CSMD1: variants seen among roughly 807,000 people sequenced by gnomAD.
CSMD1 encodes the protein CUB and Sushi multiple domains 1.
CSMD1 carries 213 observed loss-of-function variants against 417.5 expected under a neutral mutation model. The ratio of observed to expected loss-of-function variants is 0.51; its 90% confidence interval spans 0.46 to 0.57. CSMD1 has a LOEUF of 0.57. Among genes scored for constraint, CSMD1 ranks in the 20% least tolerant of loss-of-function variants. CSMD1 has a pLI of 0.00. For synonymous variants in CSMD1, 2,862 were observed against 1,736.8 expected (o/e 1.65, Z -16.11); for missense variants, 6,923 against 4,529.7 (o/e 1.53, Z -15.17).
chr8:4,396,425 C>T (rs946558918), intron 3 of CSMD1, among the ~76,000 whole-genome samples: 2 of 152,132 alleles, frequency 1.3e-5, no homozygotes, highest in African/African-American at 4.8e-5. Context: ...CAAGACTGCA[C>T]CACTGAACTC....
At chr8:3,643,399 C>G (rs895884467) in intron 7 of CSMD1, among the ~76,000 whole-genome samples, 3 of 152,030 alleles carry the variant, frequency 2.0e-5, no homozygotes, top group African/African-American at 7.2e-5. Context: ...CCCTGAGTGC[C>G]TTATCAGAAA....
chr8:4,747,486 C>G (rs991518445), intron 1 of CSMD1, among the ~76,000 whole-genome samples: 1 of 152,082 alleles, frequency 6.6e-6, no homozygotes, highest in Admixed American at 6.5e-5. Flanking sequence ...AAATGCCCTC[C>G]TAAGTAGAGA....
At chr8:4,841,420 A>G (rs1349717724) in intron 1 of CSMD1, among the ~76,000 whole-genome samples, 4 of 152,210 alleles carry the variant, frequency 2.6e-5, no homozygotes, top group Non-Finnish European at 2.9e-5. Flanking sequence ...TTCTAAAAAT[A>G]TAACAAATCC....
intron 26 of CSMD1, among the ~76,000 whole-genome samples, chr8:3,231,046 C>T (rs1036419306): frequency 3.9e-5 from 6 of 152,138 alleles, no homozygotes; most frequent in African/African-American, 1.4e-4. Context: ...CAGCCATCGA[C>T]TCTGCCTGCG....
intron 1 of CSMD1, among the ~76,000 whole-genome samples, chr8:4,655,137 C>G (rs1183652638): frequency 6.6e-6 from 1 of 151,800 alleles, no homozygotes; most frequent in South Asian, 2.1e-4. Context: ...CTTACTAAGA[C>G]AGTTTTGATT....
intron 20 of CSMD1, among the ~76,000 whole-genome samples, chr8:3,361,544 C>A (rs751194981): frequency 2.0e-5 from 3 of 146,826 alleles, no homozygotes; most frequent in African/African-American, 5.0e-5. Context: ...CCCAGCTACT[C>A]GGGAGGCCGA....
At chr8:4,875,570 C>T (rs1490082161) in intron 1 of CSMD1, among the ~76,000 whole-genome samples, 1 of 152,058 alleles carries the variant, frequency 6.6e-6, no homozygotes, top group East Asian at 1.9e-4. Flanking sequence ...TAGATCTTGT[C>T]ACCATGATTC....
intron 2 of CSMD1, among the ~76,000 whole-genome samples, chr8:4,622,077 G>C (rs1312793451): frequency 6.6e-6 from 1 of 151,456 alleles, no homozygotes; most frequent in African/African-American, 2.4e-5. Context: ...TATTAGTGCA[G>C]TTCTAGGCAG....
intron 2 of CSMD1, among the ~76,000 whole-genome samples, chr8:4,480,674 G>A (rs1330753760): frequency 6.6e-6 from 1 of 152,188 alleles, no homozygotes; most frequent in East Asian, 1.9e-4. Flanking sequence ...CTCCCTATGG[G>A]TCCTTGTGTA....
chr8:3,820,938 C>T (rs554091263), intron 5 of CSMD1, among the ~76,000 whole-genome samples: 6 of 151,842 alleles, frequency 4.0e-5, no homozygotes, highest in East Asian at 3.9e-4. Flanking sequence ...TTTTTTGAGC[C>T]GGAGTTTTGC....
At chr8:3,231,496 T>C (rs1456912169) in intron 26 of CSMD1, among the ~76,000 whole-genome samples, 1 of 152,176 alleles carries the variant, frequency 6.6e-6, no homozygotes, top group Admixed American at 6.5e-5. Context: ...CATTTGTGTG[T>C]GTGCGTGTGT....
chr8:3,524,897 T>TA (rs5888969), intron 10 of CSMD1, among the ~76,000 whole-genome samples: 33,747 of 151,820 alleles, frequency 0.22, 4,918 homozygotes, highest in African/African-American at 0.4. Flanking sequence ...TTGGTGGAGT[T>TA]AAAAATAGTA....
At chr8:3,223,478 A>G (rs913786366) in intron 28 of CSMD1, among the ~76,000 whole-genome samples, 2 of 152,224 alleles carry the variant, frequency 1.3e-5, no homozygotes, top group African/African-American at 4.8e-5. Flanking sequence ...AAGCCTTCTC[A>G]TATGGGACAC....
chr8:4,105,336 A>AT (rs1801513158), intron 3 of CSMD1, among the ~76,000 whole-genome samples: 1 of 108,744 alleles, frequency 9.2e-6, no homozygotes, highest in Admixed American at 9.4e-5. Context: ...AACACTTCTG[A>AT]ATTTTTTTTT....
At chr8:4,088,678 A>C (rs190946168) in intron 3 of CSMD1, among the ~76,000 whole-genome samples, 1 of 152,136 alleles carries the variant, frequency 6.6e-6, no homozygotes, top group African/African-American at 2.4e-5. Context: ...CCTTCAGCTC[A>C]TTCCTCAGTT....
chr8:3,925,445 C>A (rs1421251964), intron 5 of CSMD1, among the ~76,000 whole-genome samples: 3 of 151,944 alleles, frequency 2.0e-5, no homozygotes, highest in Non-Finnish European at 2.9e-5. Flanking sequence ...ACAGTTAAAC[C>A]TGAAATACAG....
chr8:4,813,606 T>G (rs756731393), intron 1 of CSMD1, among the ~76,000 whole-genome samples: 3 of 152,210 alleles, frequency 2.0e-5, no homozygotes, highest in Non-Finnish European at 2.9e-5. Flanking sequence ...GGCAAACATC[T>G]TTGCCATGTT....
At chr8:3,397,188 C>A (rs1811756334) in intron 16 of CSMD1, among the ~76,000 whole-genome samples, 1 of 152,268 alleles carries the variant, frequency 6.6e-6, no homozygotes, top group Admixed American at 6.5e-5. Context: ...TTCTGAGTGC[C>A]TGACTTGGCT....
intron 2 of CSMD1, among the ~76,000 whole-genome samples, chr8:4,592,423 A>T (rs1800038422): frequency 6.6e-6 from 1 of 151,762 alleles, no homozygotes; most frequent in African/African-American, 2.4e-5. Context: ...GTCTTACTCC[A>T]TCTCCCAGGC....
Sources: allele counts gnomAD v4.1 joint callset (sites outside exome capture counted in the v4.1 genomes callset), GRCh38; gene constraint gnomAD v4.1.1; transcripts MANE v1.5; gene names NCBI Gene and HGNC (gene_info 2026-07-23, HGNC 2026-07-21).